The following KCNH6 variants were observed in gnomAD, a reference collection of about 807,000 sequenced individuals.
KCNH6 encodes the protein potassium voltage-gated channel subfamily H member 6.
In KCNH6, 81 loss-of-function variants were observed where a neutral mutation model predicts 83.4. The ratio of observed to expected loss-of-function variants is 0.97; its 90% CI spans 0.81 to 1.17. KCNH6 has a LOEUF of 1.17. KCNH6 is among the 50% of genes most tolerant of loss of function. KCNH6 has a pLI of 0.00. For missense variants in KCNH6, 1,203 were observed against 1,290.5 expected, an observed-to-expected ratio of 0.93 and a Z score of 1.04; for synonymous variants, 503 against 545.6, an observed-to-expected ratio of 0.92 and a Z score of 1.09.
At chr17:63,547,306 A>C (rs2033167457), downstream of KCNH6, among the ~76,000 whole-genome samples, 1 of 152,232 alleles carries the variant, frequency 6.6e-6, no homozygotes, top group Non-Finnish European at 1.5e-5. Flanking sequence ...AGGATGAGGC[A>C]GGAGGACTGC....
At chr17:63,537,997 CTGGGTAAGCCCT>C (rs1372710955) in intron 6 of KCNH6, 56 bp from the exon 7 acceptor site, 22 of 1,488,402 alleles carry the variant, frequency 1.5e-5, no homozygotes, top group Non-Finnish European at 3.7e-6. Flanking sequence ...GGAGGAAGAC[CTGGGTAAGCCCT>C]TGGTGGTGTG....
In KCNH6 at chr17:63,523,511, C is replaced by CG; in HGVS notation, c.76+28dup. ...CAAAGTGAGTGTGTGTATGTTGGGG[C>CG]GGGGGGACGATCTGGAGTCCTGGTT... On this transcript the variant is annotated intron_variant, in intron 1 of 12. Transcript: ENST00000314672. This position sits in a 1 kb window ranked among gnomAD's most constrained non-coding sequence, Gnocchi z 4.2. The CG allele has an allele frequency of 3.2e-6, 5 of 1,573,254 alleles. No homozygotes were observed. The highest frequency in any genetic ancestry group is 1.4e-5 in the African/African-American group (1 of 70,596).
rs775716623 is a variant in KCNH6 at position 63,545,256 on chromosome 17, C to A, written c.2575C>A (p.Pro859Thr). The A allele has an allele frequency of 4.3e-6, 7 of 1,613,302 alleles. No individual in the cohort carries two copies. The highest frequency in any genetic ancestry group is 1.1e-5 in the South Asian group (1 of 91,092). The change falls in exon 12 of 13, where the codon CCT becomes ACT. Residue 859 changes from proline to threonine, a missense_variant. Pro to Thr is a conservative substitution (Grantham distance 38, BLOSUM62 -1). Transcript: ENST00000314672. ...CAGGCTGCCCCAGGGCTTTCTGCCT[C>A]CTGCACAGGTAAGAGGTGAGGGGAT... ...GPRLPQGFLP[P>T]AQTPSYGDLD...
intron 8 of KCNH6, among the ~76,000 whole-genome samples, chr17:63,541,656 G>C (rs2032869290): frequency 6.6e-6 from 1 of 152,160 alleles, no homozygotes; most frequent in Admixed American, 6.5e-5. Flanking sequence ...ACAGTCCAGT[G>C]GGGTTGGCAA....
intron 2 of KCNH6, among the ~76,000 whole-genome samples, chr17:63,529,351 C>A (rs1158453362): frequency 6.6e-6 from 1 of 152,224 alleles, no homozygotes; most frequent in Non-Finnish European, 1.5e-5. Flanking sequence ...TCTGCCTGCT[C>A]CCTGGGCCCA....
At chr17:63,531,261 C>T (rs780364839) in intron 4 of KCNH6, among the ~76,000 whole-genome samples, 34 of 152,246 alleles carry the variant, frequency 2.2e-4, no homozygotes, top group Non-Finnish European at 3.4e-4. Context: ...TGACCACAGT[C>T]CTGGCACTGA....
intron 8 of KCNH6, among the ~76,000 whole-genome samples, chr17:63,540,873 T>C (rs1212282625): frequency 1.3e-5 from 2 of 152,244 alleles, no homozygotes; most frequent in Admixed American, 6.5e-5. Context: ...GCAGTGCTGA[T>C]CACATGCTGT....
rs912438563 is a variant in KCNH6 at position 63,524,454 on chromosome 17, GA to G, written c.307+86del. ...CCAGGGTGGCCTTGGGGAAGGCACT[GA>G]CCCAGGGTCCAAAGGGCCTGAACAA... is the stretch of plus-strand genomic sequence containing the variant. On this transcript the variant is annotated intron_variant, in intron 2 of 12. Coordinates refer to ENST00000314672, the MANE Select transcript of KCNH6 (RefSeq NM_001278919.2). The G allele has an allele frequency of 9.4e-6, 11 of 1,173,734 alleles. No individual in the cohort carries two copies. The African/African-American group carries it at 1.7e-4, about 18-fold the overall frequency. The allele number at this position is 1,173,734 out of a possible 1,614,324, so 72.7% of individuals were successfully genotyped here.
At chr17:63,524,674 G>C (rs886222360) in intron 2 of KCNH6, among the ~76,000 whole-genome samples, 3 of 152,212 alleles carry the variant, frequency 2.0e-5, no homozygotes, top group Non-Finnish European at 1.5e-5. Flanking sequence ...AGCCCCAGCG[G>C]TCAGGCAGCT....
rs530618226 is a variant in KCNH6, at chr17:63,523,953, C to A, written c.77-186C>A. Among the ~76,000 whole-genome samples, 11 of 152,134 alleles carry A rather than the reference C, an allele frequency of 7.2e-5. No individual in the cohort carries two copies. The highest frequency in any genetic ancestry group is 1.3e-4 in the Non-Finnish European group (9 of 68,024). On this transcript the variant is annotated intron_variant, in intron 1 of 12. Coordinates refer to ENST00000314672, the MANE Select transcript of KCNH6 (RefSeq NM_001278919.2). The surrounding 1 kb of genome is among the most constrained non-coding windows in gnomAD (Gnocchi z 4.2). ...CAGGAGGCCTTGGGCCTTCCTTCCACCTCAAGACCCTCACTGCCCTAGTCT... is the reference window on the plus strand; with the variant it reads ...CAGGAGGCCTTGGGCCTTCCTTCCAACTCAAGACCCTCACTGCCCTAGTCT...
intron 6 of KCNH6, among the ~76,000 whole-genome samples, 172 bp from the exon 7 acceptor site, chr17:63,537,893 C>A (rs1012004334): frequency 1.3e-5 from 2 of 152,218 alleles, no homozygotes; most frequent in African/African-American, 4.8e-5. Flanking sequence ...GCAGAAAGCC[C>A]AGGGGCCTTT....
At chr17:63,537,461 G>C (rs981800428) in intron 6 of KCNH6, among the ~76,000 whole-genome samples, 1 of 152,192 alleles carries the variant, frequency 6.6e-6, no homozygotes, top group Non-Finnish European at 1.5e-5. Flanking sequence ...TTTTGAGACA[G>C]TCTCATTCTG....
At chr17:63,547,965 TA>T (rs58169236), downstream of KCNH6, among the ~76,000 whole-genome samples, 46,222 of 132,974 alleles carry the variant, frequency 0.35, 9,002 homozygotes, top group African/African-American at 0.59. Flanking sequence ...CTCGGTCTCT[TA>T]AAAAAAAAAA....
intron 12 of KCNH6, 92 bp from the exon 13 acceptor site, chr17:63,545,517 G>C: frequency 7.5e-7 from 1 of 1,328,282 alleles, no homozygotes; most frequent in Non-Finnish European, 1.0e-6. Flanking sequence ...GGGAAGGGCA[G>C]GTACAATTTT....
rs1568074908 is a variant in KCNH6, at chr17:63,534,228, CACT to C, written c.1022_1024del (p.Tyr341del). ...CAGCCACCCCCGCCGCATCGCCGTC[CACT>C]ACTTCAAGGGCTGGTTCCTCATTGA... On this transcript the variant is annotated inframe_deletion, in exon 5 of 13. Transcript: ENST00000314672. The surrounding 1 kb of genome is among the most constrained non-coding windows in gnomAD (Gnocchi z 5.0). 6.2e-7 allele frequency: 1 copy of C among 1,614,158 alleles called. No homozygotes were observed. The highest frequency in any genetic ancestry group is 1.7e-5 in the Admixed American group (1 of 60,032).
chr17:63,543,459 G>T, intron 9 of KCNH6, 117 bp from the exon 10 acceptor site: 1 of 709,970 alleles, frequency 1.4e-6, no homozygotes, highest in South Asian at 1.6e-5. Flanking sequence ...GCTGTGCCCA[G>T]CTGCTTGTCA....
chr17:63,529,822 C>A (rs2031961849), intron 2 of KCNH6, among the ~76,000 whole-genome samples: 1 of 152,222 alleles, frequency 6.6e-6, no homozygotes, highest in Non-Finnish European at 1.5e-5. Context: ...AAGCTCTGAG[C>A]TGATGGCCGA....
Position 63,538,555 on chromosome 17 carries a change from C to T in KCNH6, c.1847C>T (p.Pro616Leu), listed in dbSNP as rs1405676563. 4 of 1,612,016 alleles carry T rather than the reference C, an allele frequency of 2.5e-6. No individual in the cohort carries two copies. The highest frequency in any genetic ancestry group is 2.2e-5 in the East Asian group (1 of 44,832). Residue 616 changes from proline to leucine, a missense_variant, in exon 8 of 13, where the codon CCG (proline) becomes CTG (leucine). Coordinates refer to ENST00000314672, the MANE Select transcript of KCNH6 (RefSeq NM_001278919.2). This position sits in a 1 kb window ranked among gnomAD's most constrained non-coding sequence, Gnocchi z 4.0. The stretch of plus-strand genomic sequence containing the variant: ...GTCAAGTTCAAGACCACCCACGCGC[C>T]GCCTGGGGACACGCTGGTGCACCTC... ...LAVKFKTTHAPPGDTLVHLGD... is the reference protein window; with the variant it reads ...LAVKFKTTHALPGDTLVHLGD...
intron 8 of KCNH6, among the ~76,000 whole-genome samples, chr17:63,539,524 C>T (rs1052649900): frequency 6.6e-6 from 1 of 152,338 alleles, no homozygotes; most frequent in African/African-American, 2.4e-5. Flanking sequence ...CCCTAGTATT[C>T]TATGAACAGA....
Sources: allele counts gnomAD v4.1 joint callset (sites outside exome capture counted in the v4.1 genomes callset), GRCh38; gene constraint gnomAD v4.1.1; non-coding constraint Gnocchi (gnomAD v3.1); transcripts MANE v1.5; gene names NCBI Gene and HGNC (gene_info 2026-07-23, HGNC 2026-07-21).